The following TLE2 variants were observed in gnomAD, a reference collection of about 807,000 sequenced individuals.
TLE2 encodes TLE family member 2, transcriptional corepressor.
In TLE2, 74 loss-of-function variants were observed where a neutral mutation model predicts 97.2. That is an observed-to-expected ratio of 0.76 (90% CI 0.63 to 0.92). TLE2 has a LOEUF of 0.92. Among genes scored for constraint, TLE2 ranks in the 40% least tolerant of loss-of-function variants. TLE2 has a pLI of 0.00. For missense variants in TLE2, 1,038 were observed against 1,008.7 expected, an observed-to-expected ratio of 1.03 and a Z score of -0.39; for synonymous variants, 499 against 432.1, an observed-to-expected ratio of 1.15 and a Z score of -1.92.
chr19:3,045,171 G>A (rs1162130756), intron 1 of TLE2, among the ~76,000 whole-genome samples: 2 of 152,170 alleles, frequency 1.3e-5, no homozygotes, highest in Admixed American at 6.5e-5. Flanking sequence ...CTATGATAGC[G>A]CCACTGAACT....
intron 9 of TLE2, among the ~76,000 whole-genome samples, chr19:3,015,247 C>T (rs1307296695): frequency 1.3e-5 from 2 of 152,256 alleles, no homozygotes; most frequent in Admixed American, 1.3e-4. Flanking sequence ...CCCTGGGATG[C>T]TAGAGTTGGA....
At chr19:3,038,404 G>A (rs1200989252) in intron 1 of TLE2, among the ~76,000 whole-genome samples, 2 of 152,032 alleles carry the variant, frequency 1.3e-5, no homozygotes, top group African/African-American at 2.4e-5. Flanking sequence ...GTAGAGACAG[G>A]GTCTCACTAT....
At chr19:3,030,082 C>T (rs2090010835), upstream of TLE2, among the ~76,000 whole-genome samples, 2 of 152,138 alleles carry the variant, frequency 1.3e-5, no homozygotes, top group Admixed American at 1.3e-4. Flanking sequence ...GGATTACGGG[C>T]GGGAGCCACC....
At chr19:3,039,993 C>T (rs768857251) in intron 1 of TLE2, among the ~76,000 whole-genome samples, 6 of 152,200 alleles carry the variant, frequency 3.9e-5, no homozygotes, top group Non-Finnish European at 5.9e-5. Context: ...AGGCCCCGAC[C>T]GTTATTATTG....
upstream of TLE2, among the ~76,000 whole-genome samples, chr19:3,029,395 C>T (rs2090001834): frequency 6.8e-6 from 1 of 147,762 alleles, no homozygotes; most frequent in Non-Finnish European, 1.5e-5. Context: ...CCCCCCCGGC[C>T]CCCGGGCACC....
intron 1 of TLE2, among the ~76,000 whole-genome samples, chr19:3,042,202 G>C (rs938716567): frequency 4.9e-5 from 7 of 143,224 alleles, no homozygotes; most frequent in African/African-American, 1.9e-4. Flanking sequence ...AGGGACAAAG[G>C]GGGAGGCGGC....
At chr19:3,010,692 C>T (rs2145145993) in intron 12 of TLE2, among the ~76,000 whole-genome samples, 1 of 152,280 alleles carries the variant, frequency 6.6e-6, no homozygotes, top group Middle Eastern at 3.4e-3. Flanking sequence ...GAGGTTGGGT[C>T]ACTTGCCCGA....
intron 1 of TLE2, among the ~76,000 whole-genome samples, chr19:3,043,486 C>T (rs2090119818): frequency 6.6e-6 from 1 of 151,232 alleles, no homozygotes. Flanking sequence ...CTGGCCTCTG[C>T]AGCTTTTAAT....
chr19:3,006,126 T>G (rs1371367019), intron 15 of TLE2, 158 bp from the exon 16 acceptor site: 1 of 997,370 alleles, frequency 1.0e-6, no homozygotes, highest in Non-Finnish European at 1.6e-6. Flanking sequence ...CCCTTTGACC[T>G]GCAAACACTG....
In TLE2 at chr19:3,017,954, G is replaced by C. The variant is rs1463181102; in HGVS notation, c.551-95C>G. The stretch of plus-strand genomic sequence containing the variant: ...AGGGTACAGCCCTCCAGTTTATAAA[G>C]CCCCCCGCCCCCACCACCCCACTCA... On this transcript the variant is annotated intron_variant, in intron 7 of 19. Transcript: ENST00000262953. 3 of 1,167,122 alleles carry C rather than the reference G, an allele frequency of 2.6e-6. No homozygotes were observed. In the Admixed American group the frequency reaches 6.7e-5, roughly 26 times the overall value. The allele number at this position is 1,167,122 out of a possible 1,614,324, so 72.3% of individuals were successfully genotyped here.
In TLE2 at chr19:3,028,976, C is replaced by A. The variant is rs1481411091; in HGVS notation, c.-72G>T. ...ATGGAGGCGGCAAGAGTGGGGGAGGCTGAAGTGGGGTGGTGGGGAGGCTGC... is the reference window on the plus strand; with the variant it reads ...ATGGAGGCGGCAAGAGTGGGGGAGGATGAAGTGGGGTGGTGGGGAGGCTGC... On this transcript the variant is annotated 5_prime_UTR_variant, in exon 1 of 20. Transcript: ENST00000262953. 5 of 1,574,632 alleles carry A rather than the reference C, an allele frequency of 3.2e-6. No individual in the cohort carries two copies. Among genetic ancestry groups the A allele is most frequent in the Non-Finnish European group, 3.4e-6 (4 of 1,161,614 alleles).
chr19:3,018,106 C>T (rs2089754095), intron 7 of TLE2, among the ~76,000 whole-genome samples: 1 of 151,992 alleles, frequency 6.6e-6, no homozygotes, highest in East Asian at 1.9e-4. Flanking sequence ...GATGTTGAAC[C>T]CCAGGGCCTT....
rs1480274211 is a variant in TLE2 at position 3,009,716 on chromosome 19, G to C, written c.1013-14C>G. 1 of 1,602,276 alleles carries C rather than the reference G, an allele frequency of 6.2e-7. No homozygotes were observed. Among genetic ancestry groups the C allele is most frequent in the African/African-American group, 1.3e-5 (1 of 74,814 alleles). On this transcript the variant is annotated splice_polypyrimidine_tract_variant and intron_variant, in intron 12 of 19. Transcript: ENST00000262953. ...GGCTCCTCAGGGCTGAGACGGAAGA[G>C]TCGGGGACAGGTTTTGACGCCCTGG...
In TLE2 at chr19:3,019,325, C is replaced by T; in HGVS notation, c.508G>A (p.Val170Ile). The T allele has an allele frequency of 1.3e-6, 2 of 1,573,218 alleles. No homozygotes were observed. Among genetic ancestry groups the T allele is most frequent in the South Asian group, 1.2e-5 (1 of 86,608 alleles). Reference protein sequence around the residue: ...LAAQAQLAAAVKEDRAGVEAE... With the variant: ...LAAQAQLAAAIKEDRAGVEAE... The stretch of plus-strand genomic sequence containing the variant: ...TCCACGCCCGCACGGTCCTCCTTGA[C>T]AGCCGCCGCCAGCTGAGCCTGGGCA... The change falls in exon 7 of 20, where the codon GTC becomes ATC. Residue 170 changes from valine (V) to isoleucine (I), a missense_variant. By Grantham distance (29) the Val-to-Ile change is conservative (BLOSUM62 3). Coordinates refer to ENST00000262953, the MANE Select transcript of TLE2 (RefSeq NM_003260.5). The surrounding 1 kb of genome is among the most constrained non-coding windows in gnomAD (Gnocchi z 5.1).
At chr19:3,021,111 AAAAGGG>A (rs1568245398) in intron 5 of TLE2, among the ~76,000 whole-genome samples, 17 of 105,084 alleles carry the variant, frequency 1.6e-4, no homozygotes, top group Non-Finnish European at 2.7e-4. Context: ...AAAAAAAAAA[AAAAGGG>A]GGGGGGGTGC....
intron 5 of TLE2, among the ~76,000 whole-genome samples, chr19:3,023,039 C>T (rs966160219): frequency 4.6e-5 from 7 of 150,912 alleles, no homozygotes; most frequent in African/African-American, 1.7e-4. Flanking sequence ...TTCCTTTCAA[C>T]AGTCATTTTA....
intron 9 of TLE2, 106 bp downstream of exon 9, chr19:3,015,547 C>T (rs12984941): frequency 0.068 from 58,018 of 857,628 alleles, 2,397 homozygotes; most frequent in South Asian, 0.1. Flanking sequence ...TGGGAGGCTC[C>T]GGAGTGAGAG....
At chr19:3,009,272 T>C (rs894630365) in intron 13 of TLE2, among the ~76,000 whole-genome samples, 1 of 152,224 alleles carries the variant, frequency 6.6e-6, no homozygotes, top group African/African-American at 2.4e-5. Flanking sequence ...CTGCCTGTTT[T>C]TGTAAACAGT....
intron 12 of TLE2, among the ~76,000 whole-genome samples, chr19:3,010,797 G>T (rs1427749382): frequency 6.6e-6 from 1 of 151,998 alleles, no homozygotes; most frequent in Non-Finnish European, 1.5e-5. Context: ...TGAAACCCCC[G>T]ACTAAGCCGC....
Sources: gnomAD v4.1 joint callset for allele counts (sites outside exome capture counted in the v4.1 genomes callset) on GRCh38, gnomAD v4.1.1 for gene constraint, Gnocchi (gnomAD v3.1) non-coding constraint, MANE v1.5 for transcripts, NCBI Gene and HGNC (gene_info 2026-07-23, HGNC 2026-07-21) for gene names.